Variants in TCF12 observed in about 807,000 individuals in gnomAD.
TCF12 encodes DNA-binding protein HTF4.
A neutral mutation model predicts 86.0 loss-of-function variants in TCF12; 45 were observed. The observed-to-expected ratio is 0.52, with a 90% CI of 0.41 to 0.67. The LOEUF is 0.67. Among genes scored for constraint, TCF12 ranks in the 30% least tolerant of loss-of-function variants. The pLI, the probability that TCF12 is intolerant of heterozygous loss-of-function variation, is 0.00. For missense variants in TCF12, 881 were observed against 859.9 expected (o/e 1.02, Z -0.31); for synonymous variants, 330 against 299.6 (o/e 1.10, Z -1.05).
At position 57,192,311 on chromosome 15, in the gene TCF12, C is replaced by G. The variant is rs774477316; in HGVS notation, c.526+18C>G. ...AGCGCTTGGTGAGTGTATCACACAA[C>G]AAATCCCATCCCACATATGTTGTTG... is the stretch of plus-strand genomic sequence containing the variant. On this transcript the variant is annotated intron_variant, in intron 7 of 20. Transcript: ENST00000333725. 5.0e-6 allele frequency: 8 copies of G among 1,612,114 alleles called. No individual in the cohort carries two copies. The South Asian group carries it at 8.8e-5, about 18-fold the overall frequency.
chr15:57,092,606 T>C (rs1311185867), intron 5 of TCF12, among the ~76,000 whole-genome samples: 1 of 141,306 alleles, frequency 7.1e-6, no homozygotes, highest in East Asian at 1.9e-4. Flanking sequence ...TTGAATACCA[T>C]TTTTTTTTGT....
chr15:57,010,604 T>G (rs1480633886), intron 3 of TCF12, among the ~76,000 whole-genome samples: 1 of 152,188 alleles, frequency 6.6e-6, no homozygotes, highest in Non-Finnish European at 1.5e-5. Flanking sequence ...TACTTTTTTA[T>G]GAAGGGAAGC....
rs2056582103 is a variant in TCF12, at chr15:57,184,984, T to A, written c.391-7174T>A. Among the ~76,000 whole-genome samples the A allele has an allele frequency of 2.0e-5, 3 of 152,218 alleles. No homozygotes were observed. The South Asian group carries it at 6.2e-4, about 32-fold the overall frequency. The stretch of plus-strand genomic sequence containing the variant: ...TTATTATTTTAATGGAGACTACTTC[T>A]CCTTTAGGTCTGATAATTACATCTT... On this transcript the variant is annotated intron_variant, in intron 6 of 20. Coordinates refer to ENST00000333725, the MANE Select transcript of TCF12 (RefSeq NM_207037.2).
At chr15:57,194,915 T>A (rs1440935597) in intron 7 of TCF12, among the ~76,000 whole-genome samples, 8 of 152,200 alleles carry the variant, frequency 5.3e-5, no homozygotes, top group African/African-American at 1.7e-4. Context: ...GTATTTTTCT[T>A]TTTTGAGACG....
intron 5 of TCF12, among the ~76,000 whole-genome samples, chr15:57,119,354 T>A (rs1347955467): frequency 6.6e-6 from 1 of 151,352 alleles, no homozygotes; most frequent in Non-Finnish European, 1.5e-5. Context: ...GGGTCTCACA[T>A]TGTGCCCAGG....
chr15:56,952,602 T>C (rs1467339053), intron 3 of TCF12, among the ~76,000 whole-genome samples: 3 of 152,170 alleles, frequency 2.0e-5, no homozygotes, highest in Non-Finnish European at 2.9e-5. Flanking sequence ...TCTCAACATA[T>C]ATTGTCAGAT....
At chr15:57,247,236 C>T in intron 13 of TCF12, 1 of 633,136 alleles carries the variant, frequency 1.6e-6, no homozygotes, top group Non-Finnish European at 2.9e-6. Context: ...TAGTTGCCAC[C>T]ATCACCTCCA....
chr15:57,075,753 G>GTTTCT (rs1408326707), intron 4 of TCF12, among the ~76,000 whole-genome samples: 2 of 126,254 alleles, frequency 1.6e-5, no homozygotes, highest in Non-Finnish European at 3.5e-5. Flanking sequence ...ATGACATGAG[G>GTTTCT]TTTCTTTTCT....
intron 5 of TCF12, among the ~76,000 whole-genome samples, chr15:57,122,145 C>T (rs1299615021): frequency 6.8e-6 from 1 of 147,806 alleles, no homozygotes; most frequent in Non-Finnish European, 1.5e-5. Flanking sequence ...GCTTCATAGT[C>T]CTGTTCAAAC....
chr15:56,945,537 T>A (rs2060958004), intron 3 of TCF12, among the ~76,000 whole-genome samples: 1 of 150,706 alleles, frequency 6.6e-6, no homozygotes, highest in Non-Finnish European at 1.5e-5. Flanking sequence ...TAGATTGACC[T>A]TTTTTTTTCC....
intron 3 of TCF12, among the ~76,000 whole-genome samples, chr15:57,007,722 A>G (rs949102356): frequency 6.6e-6 from 1 of 151,806 alleles, no homozygotes; most frequent in African/African-American, 2.4e-5. Context: ...ACCTTCTGAA[A>G]ACTCAAGGAA....
intron 6 of TCF12, among the ~76,000 whole-genome samples, chr15:57,185,754 C>T (rs1158129676): frequency 6.6e-6 from 1 of 152,056 alleles, no homozygotes; most frequent in Non-Finnish European, 1.5e-5. Flanking sequence ...TGTGGTGGTG[C>T]ACATCTAGTC....
intron 6 of TCF12, among the ~76,000 whole-genome samples, chr15:57,177,607 C>CGAGAGAGAGAGAGAGAGAGAGA (rs1567572655): frequency 1.4e-3 from 7 of 4,994 alleles, no homozygotes; most frequent in South Asian, 0.018. Flanking sequence ...TGTTAAAAGG[C>CGAGAGAGAGAGAGAGAGAGAGA]CAGAGAGAGA....
chr15:57,108,861 T>A (rs2151216877), intron 5 of TCF12, among the ~76,000 whole-genome samples: 1 of 152,332 alleles, frequency 6.6e-6, no homozygotes, highest in Non-Finnish European at 1.5e-5. Flanking sequence ...TATACTTTCC[T>A]CTGTGTTGTC....
At chr15:57,261,709 G>C (rs1159242766) in intron 16 of TCF12, among the ~76,000 whole-genome samples, 2 of 151,826 alleles carry the variant, frequency 1.3e-5, no homozygotes, top group Non-Finnish European at 2.9e-5. Context: ...TTAAATGCCA[G>C]TTCATGCATA....
intron 3 of TCF12, among the ~76,000 whole-genome samples, chr15:57,054,736 A>C (rs975745037): frequency 3.1e-5 from 2 of 65,414 alleles, no homozygotes; most frequent in Admixed American, 1.6e-4. Flanking sequence ...TTTTCTTAGG[A>C]CTCCTTTTAT....
chr15:56,976,080 C>G (rs1030601338), intron 3 of TCF12, among the ~76,000 whole-genome samples: 19 of 151,866 alleles, frequency 1.3e-4, no homozygotes, highest in Non-Finnish European at 2.8e-4. Context: ...TTTATAAGAT[C>G]ACTAGTTACA....
At chr15:57,253,537 C>G in intron 16 of TCF12, 69 bp downstream of exon 16, 1 of 1,548,946 alleles carries the variant, frequency 6.5e-7, no homozygotes. Flanking sequence ...TTAATGAAAT[C>G]TTTGGGAAGA....
At chr15:57,256,717 A>G (rs1357068406) in intron 16 of TCF12, among the ~76,000 whole-genome samples, 5 of 152,198 alleles carry the variant, frequency 3.3e-5, no homozygotes, top group African/African-American at 1.2e-4. Flanking sequence ...TTGATCAGCA[A>G]TTTGGTACCA....
Sources: gnomAD v4.1 joint callset for allele counts (sites outside exome capture counted in the v4.1 genomes callset) on GRCh38, gnomAD v4.1.1 for gene constraint, MANE v1.5 for transcripts, NCBI Gene and HGNC (gene_info 2026-07-23, HGNC 2026-07-21) for gene names.